IFRD1: variants seen among roughly 807,000 people sequenced by gnomAD.
The protein encoded by IFRD1 is interferon-related developmental regulator 1.
IFRD1 carries 35 observed loss-of-function variants against 52.9 expected under a neutral mutation model. That is an observed-to-expected ratio of 0.66 (90% CI 0.51 to 0.88). The LOEUF is 0.88. Among genes scored for constraint, IFRD1 ranks in the 40% least tolerant of loss-of-function variants. IFRD1 has a pLI of 0.00. For synonymous variants in IFRD1, 184 were observed against 188.4 expected (o/e 0.98, Z 0.19); for missense variants, 517 against 550.8 (o/e 0.94, Z 0.61).
At chr7:112,472,680 C>T in intron 10 of IFRD1, 86 bp from the exon 11 acceptor site, 2 of 900,262 alleles carry the variant, frequency 2.2e-6, no homozygotes, top group South Asian at 1.3e-5. Context: ...TTCCACATAA[C>T]TTCTGTTAAT....
chr7:112,454,618 C>T (rs1269898980), intron 1 of IFRD1, among the ~76,000 whole-genome samples: 1 of 152,148 alleles, frequency 6.6e-6, no homozygotes, highest in Non-Finnish European at 1.5e-5. Flanking sequence ...TCTTCTCTCA[C>T]TTCAAGTTGT....
chr7:112,461,432 A>G (rs1795429807), intron 5 of IFRD1: 1 of 154,664 alleles, frequency 6.5e-6, no homozygotes, highest in Non-Finnish European at 1.4e-5. Context: ...TTAATGATCT[A>G]GTAAGCACCT....
chr7:112,476,102 T>C lies in IFRD1; in HGVS notation c.*583T>C, dbSNP rs2117345866. On this transcript the variant is annotated 3_prime_UTR_variant, in exon 12 of 12. Transcript: ENST00000403825. ...GCATATGCCAGAAAGGTTGCTAACC[T>C]TAACATCTGAGAGCAGTAACACTGA... 1 of 152,856 alleles carries C rather than the reference T, an allele frequency of 6.5e-6. No individual in the cohort carries two copies. The highest frequency in any genetic ancestry group is 2.1e-4 in the South Asian group (1 of 4,868). The allele number at this position is 152,856 out of a possible 1,614,324, so 9.5% of individuals were successfully genotyped here. A position where few individuals can be genotyped will look rare whatever the true frequency, so the allele number is the denominator to read the frequency against.
intron 8 of IFRD1, among the ~76,000 whole-genome samples, chr7:112,465,709 G>GTTGTATAGATCTACATGGTGGATGC (rs1795591589): frequency 6.6e-6 from 1 of 152,088 alleles, no homozygotes; most frequent in South Asian, 2.1e-4. Flanking sequence ...GCTGCCTGAG[G>GTTGTATAGATCTACATGGTGGATGC]TTGTATAGAT....
chr7:112,447,450 T>G (rs994423096), upstream of IFRD1, among the ~76,000 whole-genome samples: 2 of 152,246 alleles, frequency 1.3e-5, no homozygotes, highest in African/African-American at 4.8e-5. Flanking sequence ...GGTTTCCCCT[T>G]CATTCTTAAC....
At chr7:112,431,561 T>A (rs749699779) in intron 1 of IFRD1, among the ~76,000 whole-genome samples, 17 of 152,174 alleles carry the variant, frequency 1.1e-4, no homozygotes, top group Admixed American at 5.9e-4. Flanking sequence ...CTATTCCTTA[T>A]ATCTATGCAG....
chr7:112,457,077 TAAG>T (rs758887456), intron 4 of IFRD1, 39 bp downstream of exon 4: 19 of 1,603,558 alleles, frequency 1.2e-5, no homozygotes, highest in Non-Finnish European at 1.6e-5. Flanking sequence ...GTACAACTAA[TAAG>T]GAGTGTGTTA....
chr7:112,464,123 G>T (rs1795549062), intron 8 of IFRD1, among the ~76,000 whole-genome samples: 1 of 151,016 alleles, frequency 6.6e-6, no homozygotes, highest in Non-Finnish European at 1.5e-5. Context: ...TAAATCCAGG[G>T]CGTTAGTGAA....
At chr7:112,474,261 A>G (rs1488402002) in intron 11 of IFRD1, among the ~76,000 whole-genome samples, 1 of 152,154 alleles carries the variant, frequency 6.6e-6, no homozygotes, top group Non-Finnish European at 1.5e-5. Flanking sequence ...GGGAGGTATT[A>G]CCTAGGAGTG....
In IFRD1 at chr7:112,465,943, A is replaced by G. The variant is rs376273984; in HGVS notation, c.907-2038A>G. On this transcript the variant is annotated intron_variant, in intron 8 of 11. Coordinates refer to ENST00000403825, the MANE Select transcript of IFRD1 (RefSeq NM_001550.4). ...TTTTAATGCTTACAACCATTGTTTG[A>G]AAGGTTGGGTATTTTCTTTTTTTTC... Among the ~76,000 whole-genome samples, 62 of 152,270 alleles carry G rather than the reference A, an allele frequency of 4.1e-4. 1 individual carries two copies. In the East Asian group the frequency reaches 8.9e-3, roughly 22 times the overall value.
intron 5 of IFRD1, among the ~76,000 whole-genome samples, chr7:112,459,228 A>G (rs1795371984): frequency 6.6e-6 from 1 of 152,166 alleles, no homozygotes. Context: ...CAACAACAAC[A>G]AAAAAGATAA....
intron 8 of IFRD1, among the ~76,000 whole-genome samples, chr7:112,465,494 A>G (rs1457786829): frequency 1.3e-5 from 2 of 152,092 alleles, no homozygotes; most frequent in Non-Finnish European, 2.9e-5. Flanking sequence ...AGTTTGTTGT[A>G]TTTATATTGT....
At chr7:112,471,579 C>CT (rs369657692) in intron 9 of IFRD1, among the ~76,000 whole-genome samples, 27 of 151,628 alleles carry the variant, frequency 1.8e-4, no homozygotes, top group African/African-American at 3.9e-4. Context: ...TTCCAGCTGA[C>CT]TTTTTTTTTA....
At chr7:112,456,854 A>G in intron 3 of IFRD1, 60 bp from the exon 4 acceptor site, 2 of 1,548,642 alleles carry the variant, frequency 1.3e-6, no homozygotes, top group Non-Finnish European at 1.8e-6. Flanking sequence ...AAGATTTTAA[A>G]AAGTTATTTA....
intron 9 of IFRD1, 55 bp from the exon 10 acceptor site, chr7:112,472,164 G>T: frequency 6.3e-7 from 1 of 1,587,800 alleles, no homozygotes; most frequent in Non-Finnish European, 8.6e-7. Flanking sequence ...GTTTACATAA[G>T]ATCCCTCTGA....
chr7:112,439,997 T>G (rs1794832371), intron 1 of IFRD1, among the ~76,000 whole-genome samples: 4 of 152,170 alleles, frequency 2.6e-5, no homozygotes, highest in Non-Finnish European at 5.9e-5. Context: ...GCCATTTTTT[T>G]TTTTTTGAGA....
Position 112,475,747 on chromosome 7 carries a change from T to C in IFRD1, c.*228T>C, listed in dbSNP as rs1795885416. ...ATAAAGTATTTGTAATGTTTGGTCA[T>C]AATTTATTTATGAAGACAGCAAAAG... On this transcript the variant is annotated 3_prime_UTR_variant, in exon 12 of 12. Coordinates refer to ENST00000403825, the MANE Select transcript of IFRD1 (RefSeq NM_001550.4). The C allele has an allele frequency of 6.4e-6, 3 of 466,482 alleles. No homozygotes were observed. Among genetic ancestry groups the C allele is most frequent in the Admixed American group, 3.9e-5 (1 of 25,822 alleles). 28.9% of individuals were successfully genotyped at this position (466,482 alleles called of 1,614,324 possible). A position where few individuals can be genotyped will look rare whatever the true frequency, so the allele number is the denominator to read the frequency against.
intron 1 of IFRD1, among the ~76,000 whole-genome samples, chr7:112,438,865 A>G (rs946002448): frequency 6.6e-6 from 1 of 152,202 alleles, no homozygotes; most frequent in Admixed American, 6.5e-5. Flanking sequence ...ACCATTCATG[A>G]ATCATTGACC....
At chr7:112,471,786 C>A (rs1005661) in intron 9 of IFRD1, among the ~76,000 whole-genome samples, 70,222 of 151,604 alleles carry the variant, frequency 0.46, 16,705 homozygotes, top group Non-Finnish European at 0.51. Flanking sequence ...GGTCAGTTAA[C>A]CCTATTTACC....
Sources: allele counts gnomAD v4.1 joint callset (sites outside exome capture counted in the v4.1 genomes callset), GRCh38; gene constraint gnomAD v4.1.1; transcripts MANE v1.5; gene names NCBI Gene and HGNC (gene_info 2026-07-23, HGNC 2026-07-21).